LRRC8B: variants seen among roughly 807,000 people sequenced by gnomAD.
The protein encoded by LRRC8B is volume-regulated anion channel subunit LRRC8B.
In LRRC8B, 23 loss-of-function variants were observed where a neutral mutation model predicts 58.8. The ratio of observed to expected loss-of-function variants is 0.39; its 90% confidence interval spans 0.28 to 0.55. The LOEUF is 0.55. Ranked by LOEUF, LRRC8B falls within the 20% of genes least tolerant of loss-of-function variation. The pLI is 0.62. For synonymous variants in LRRC8B, 359 were observed against 374.1 expected (o/e 0.96, Z 0.47); for missense variants, 694 against 936.0 (o/e 0.74, Z 3.37).
intron 1 of LRRC8B, among the ~76,000 whole-genome samples, chr1:89,533,737 G>A (rs359928): frequency 0.016 from 2,453 of 152,166 alleles, 63 homozygotes; most frequent in African/African-American, 0.056. Context: ...GCCAGACTTC[G>A]TACATGGCAT....
intron 4 of LRRC8B, among the ~76,000 whole-genome samples, chr1:89,581,432 G>A (rs928372719): frequency 3.3e-5 from 5 of 152,024 alleles, no homozygotes; most frequent in African/African-American, 7.3e-5. Context: ...TACCAGCAAG[G>A]GGGCACCATG....
chr1:89,584,669 G>C lies in LRRC8B; in HGVS notation c.2019G>C (p.Leu673Phe). 6.2e-7 allele frequency: 1 copy of C among 1,614,004 alleles called. No individual in the cohort carries two copies. The highest frequency in any genetic ancestry group is 1.3e-5 in the African/African-American group (1 of 75,044). Reference sequence around the variant, plus strand: ...ATAATAATATTGAGAATCTGCCCTTGCAGCTTTTCCTATGCACTAAACTAC... The same window carrying C: ...ATAATAATATTGAGAATCTGCCCTTCCAGCTTTTCCTATGCACTAAACTAC... Reference protein sequence around the residue: ...LDHNNIENLPLQLFLCTKLHY... With the variant: ...LDHNNIENLPFQLFLCTKLHY... Residue 673 changes from leucine to phenylalanine, a missense_variant, in exon 5 of 6, where the codon TTG (leucine) becomes TTC (phenylalanine). Leu to Phe is a conservative substitution (Grantham distance 22). Coordinates refer to ENST00000330947, the MANE Select transcript of LRRC8B (RefSeq NM_001369817.2).
At chr1:89,569,011 G>A (rs975930567) in intron 3 of LRRC8B, among the ~76,000 whole-genome samples, 1 of 152,126 alleles carries the variant, frequency 6.6e-6, no homozygotes, top group Non-Finnish European at 1.5e-5. Flanking sequence ...TTTTGTAATT[G>A]CAGAAGATTA....
chr1:89,558,330 C>T (rs943098965), intron 1 of LRRC8B, among the ~76,000 whole-genome samples: 4 of 152,036 alleles, frequency 2.6e-5, no homozygotes, highest in African/African-American at 9.7e-5. Flanking sequence ...AGCTGGAGAT[C>T]ACCACTCTTT....
chr1:89,527,894 A>G (rs1394867960), intron 1 of LRRC8B, among the ~76,000 whole-genome samples: 1 of 152,220 alleles, frequency 6.6e-6, no homozygotes, highest in Non-Finnish European at 1.5e-5. Flanking sequence ...CCTTTCCTTT[A>G]GGATTCTACT....
intron 5 of LRRC8B, among the ~76,000 whole-genome samples, chr1:89,589,815 T>G (rs909037698): frequency 3.4e-5 from 5 of 148,798 alleles, no homozygotes; most frequent in African/African-American, 1.2e-4. Flanking sequence ...GATTCTAAAG[T>G]AAGATCTCAG....
At chr1:89,533,464 G>T (rs359927) in intron 1 of LRRC8B, among the ~76,000 whole-genome samples, 3,683 of 152,198 alleles carry the variant, frequency 0.024, 149 homozygotes, top group African/African-American at 0.084. Context: ...GCTTCATTCC[G>T]TAGCTTTGTT....
intron 1 of LRRC8B, among the ~76,000 whole-genome samples, chr1:89,554,622 C>G (rs1652047160): frequency 6.6e-6 from 1 of 152,188 alleles, no homozygotes; most frequent in Non-Finnish European, 1.5e-5. Flanking sequence ...AATATTTCCA[C>G]TTGCTGTTGG....
At chr1:89,545,739 A>T (rs1651351780) in intron 1 of LRRC8B, among the ~76,000 whole-genome samples, 2 of 152,222 alleles carry the variant, frequency 1.3e-5, no homozygotes. Context: ...AAGAACAAGA[A>T]GACAACAATA....
At chr1:89,580,566 C>G (rs1183349569) in intron 4 of LRRC8B, among the ~76,000 whole-genome samples, 1 of 152,180 alleles carries the variant, frequency 6.6e-6, no homozygotes, top group African/African-American at 2.4e-5. Context: ...CCAGGACTTT[C>G]TCTTTGCTTC....
chr1:89,597,589 T>A lies in LRRC8B; in HGVS notation c.*4546T>A, dbSNP rs1198190506. ...GAATAGAGACATTTTATTTGGTTAG[T>A]GCAAGAGTGAAAGCTAGCATTTGTT... On this transcript the variant is annotated 3_prime_UTR_variant, in exon 6 of 6. Transcript: ENST00000330947. The A allele has an allele frequency of 6.6e-6, 1 of 152,214 alleles. No individual in the cohort carries two copies. Among genetic ancestry groups the A allele is most frequent in the Non-Finnish European group, 1.5e-5 (1 of 68,034 alleles). The allele number at this position is 152,214 out of a possible 1,614,324, so 9.4% of individuals were successfully genotyped here.
Position 89,583,593 on chromosome 1 carries a change from C to T in LRRC8B, c.943C>T (p.Leu315=), listed in dbSNP as rs770158973. Residue 315 remains leucine (L), a synonymous_variant, in exon 5 of 6, where the codon CTG becomes TTG. Coordinates refer to ENST00000330947, the MANE Select transcript of LRRC8B (RefSeq NM_001369817.2). The surrounding 1 kb of genome is among the most constrained non-coding windows in gnomAD (Gnocchi z 5.2). ...TTCCTTGGCAGAAATCTTTAAGGTC[C>T]TGGCTTCATTTTATGTCATTTTGGT... is the stretch of plus-strand genomic sequence containing the variant. ...VYSLAEIFKV[L]ASFYVILVIL... is the part of the protein sequence containing the mutation. 4 of 1,611,222 alleles carry T rather than the reference C, an allele frequency of 2.5e-6. No homozygotes were observed. The Admixed American group carries it at 6.7e-5, about 27-fold the overall frequency.
In LRRC8B at chr1:89,595,715, T is replaced by C. The variant is rs1054767930; in HGVS notation, c.*2672T>C. 8 of 152,134 alleles carry C rather than the reference T, an allele frequency of 5.3e-5. No homozygotes were observed. The highest frequency in any genetic ancestry group is 2.4e-5 in the African/African-American group (1 of 41,452). 9.4% of individuals were successfully genotyped at this position (152,134 alleles called of 1,614,324 possible). ...CGCTTTTGAGACAAGGTAGCCCTGA[T>C]GCAAGGAAAAATGAGGCTACTACTT... On this transcript the variant is annotated 3_prime_UTR_variant, in exon 6 of 6. Coordinates refer to ENST00000330947, the MANE Select transcript of LRRC8B (RefSeq NM_001369817.2).
rs1226321461 is a variant in LRRC8B, at chr1:89,582,614, C to A, written c.-26-11C>A. The A allele has an allele frequency of 6.8e-7, 1 of 1,475,576 alleles. No homozygotes were observed. Among genetic ancestry groups the A allele is most frequent in the Admixed American group, 1.7e-5 (1 of 58,398 alleles). 91.4% of individuals were successfully genotyped at this position (1,475,576 alleles called of 1,614,324 possible). A position where few individuals can be genotyped will look rare whatever the true frequency, so the allele number is the denominator to read the frequency against. On this transcript the variant is annotated splice_polypyrimidine_tract_variant and intron_variant, in intron 4 of 5. Transcript: ENST00000330947. ...TGCTTCAGTAGTGTTTCTTTTATTTCCCTCTTCCAGTTTCTGTCCTCCTAC... is the reference window on the plus strand; with the variant it reads ...TGCTTCAGTAGTGTTTCTTTTATTTACCTCTTCCAGTTTCTGTCCTCCTAC...
intron 3 of LRRC8B, among the ~76,000 whole-genome samples, chr1:89,568,924 G>A (rs1238815064): frequency 6.6e-6 from 1 of 152,050 alleles, no homozygotes; most frequent in Admixed American, 6.6e-5. Flanking sequence ...GTAAAAGATG[G>A]CCATACTTTC....
chr1:89,535,283 A>G (rs2100807181), intron 1 of LRRC8B, among the ~76,000 whole-genome samples: 1 of 152,256 alleles, frequency 6.6e-6, no homozygotes, highest in African/African-American at 2.4e-5. Context: ...TTTCAGTCAA[A>G]TTAGCTATCA....
At chr1:89,539,172 C>A (rs112666595) in intron 1 of LRRC8B, among the ~76,000 whole-genome samples, 1,525 of 152,268 alleles carry the variant, frequency 0.01, 27 homozygotes, top group African/African-American at 0.035. Context: ...GTTAGAATTA[C>A]CCCTTAATGC....
chr1:89,550,003 C>G (rs916879236), intron 1 of LRRC8B: 10 of 152,124 alleles, frequency 6.6e-5, no homozygotes, highest in African/African-American at 1.9e-4. Flanking sequence ...AAATAACACA[C>G]TCATTAGCCC....
intron 5 of LRRC8B, among the ~76,000 whole-genome samples, chr1:89,589,558 CTT>C (rs35027182): frequency 0.034 from 4,874 of 144,934 alleles, 221 homozygotes; most frequent in African/African-American, 0.1. Context: ...CACATTTGTG[CTT>C]TTTTTTTTTT....
Sources: gnomAD v4.1 joint callset for allele counts (sites outside exome capture counted in the v4.1 genomes callset) on GRCh38, gnomAD v4.1.1 for gene constraint, Gnocchi (gnomAD v3.1) non-coding constraint, MANE v1.5 for transcripts, NCBI Gene and HGNC (gene_info 2026-07-23, HGNC 2026-07-21) for gene names.